The following SLCO1B1 variants were observed in gnomAD, a reference collection of about 807,000 sequenced individuals.
The protein encoded by SLCO1B1 is OATP-2.
In SLCO1B1, 81 loss-of-function variants were observed where a neutral mutation model predicts 70.1. The ratio of observed to expected loss-of-function variants is 1.16; its 90% CI spans 0.97 to 1.39. The LOEUF (loss-of-function observed/expected upper bound fraction) is 1.39. Ranked by LOEUF, SLCO1B1 falls within the 40% of genes most tolerant of loss-of-function variation. The pLI is 0.00. For missense variants in SLCO1B1, 895 were observed against 799.6 expected (o/e 1.12, Z -1.44); for synonymous variants, 283 against 271.5 (o/e 1.04, Z -0.42).
chr12:21,153,632 T>C (rs2121064114), intron 2 of SLCO1B1, among the ~76,000 whole-genome samples: 1 of 152,254 alleles, frequency 6.6e-6, no homozygotes, highest in African/African-American at 2.4e-5. Flanking sequence ...TCAGATCTTC[T>C]ATGTCCTTGC....
chr12:21,170,153 A>AAT (rs1264374752), intron 2 of SLCO1B1, among the ~76,000 whole-genome samples: 1 of 152,110 alleles, frequency 6.6e-6, no homozygotes, highest in Non-Finnish European at 1.5e-5. Flanking sequence ...TTAGTACTTG[A>AAT]ATATAGGCAA....
intron 8 of SLCO1B1, among the ~76,000 whole-genome samples, chr12:21,198,894 T>C (rs1210405727): frequency 6.6e-6 from 1 of 152,022 alleles, no homozygotes; most frequent in Non-Finnish European, 1.5e-5. Flanking sequence ...GAATTTCTCA[T>C]CCTCAAAAAT....
At chr12:21,221,647 C>A (rs1434145066) in intron 12 of SLCO1B1, among the ~76,000 whole-genome samples, 1 of 152,046 alleles carries the variant, frequency 6.6e-6, no homozygotes, top group Non-Finnish European at 1.5e-5. Context: ...AAACAACAAA[C>A]ATATGACAAA....
chr12:21,195,546 C>T (rs922739250), intron 7 of SLCO1B1, among the ~76,000 whole-genome samples: 1 of 152,070 alleles, frequency 6.6e-6, no homozygotes, highest in Non-Finnish European at 1.5e-5. Flanking sequence ...CTCTTTGTAG[C>T]CCATTGGAAG....
chr12:21,173,054 G>A (rs1591808242), intron 3 of SLCO1B1, among the ~76,000 whole-genome samples: 1 of 152,228 alleles, frequency 6.6e-6, no homozygotes, highest in Admixed American at 6.5e-5. Flanking sequence ...TAGTGAGGAT[G>A]TTCAGAAACC....
At chr12:21,153,458 A>T (rs34527818) in intron 2 of SLCO1B1, among the ~76,000 whole-genome samples, 88,356 of 151,820 alleles carry the variant, frequency 0.58, 27,350 homozygotes, top group South Asian at 0.78. Context: ...AGCTATGACA[A>T]CTAATTTTTG....
In SLCO1B1 at chr12:21,183,552, A is replaced by G. The variant is rs572164827; in HGVS notation, c.727+4532A>G. On this transcript the variant is annotated intron_variant, in intron 7 of 14. Transcript: ENST00000256958. Reference sequence around the variant, plus strand: ...TGAAACTGAGAGCAAGAATCTAGCTATAAATAAAAATATTGTGCAGAGTCT... The same window carrying G: ...TGAAACTGAGAGCAAGAATCTAGCTGTAAATAAAAATATTGTGCAGAGTCT... Among the ~76,000 whole-genome samples the G allele has an allele frequency of 7.2e-5, 11 of 152,322 alleles. No individual in the cohort carries two copies. The East Asian group carries it at 2.1e-3, about 29-fold the overall frequency.
intron 2 of SLCO1B1, among the ~76,000 whole-genome samples, chr12:21,151,841 A>G (rs1940474331): frequency 6.6e-6 from 1 of 151,862 alleles, no homozygotes; most frequent in South Asian, 2.1e-4. Flanking sequence ...GATTTTCTAT[A>G]GTTTTAAAAT....
At chr12:21,162,401 C>A (rs991366547) in intron 2 of SLCO1B1, among the ~76,000 whole-genome samples, 2 of 152,058 alleles carry the variant, frequency 1.3e-5, no homozygotes, top group Non-Finnish European at 2.9e-5. Context: ...AATTTTTCAA[C>A]TTCCTTATTT....
intron 7 of SLCO1B1, among the ~76,000 whole-genome samples, chr12:21,179,868 C>T (rs943559658): frequency 6.6e-6 from 1 of 152,106 alleles, no homozygotes; most frequent in South Asian, 2.1e-4. Flanking sequence ...TATACCCCCA[C>T]ACAACTTTCC....
At chr12:21,221,297 G>T (rs1482469456) in intron 12 of SLCO1B1, among the ~76,000 whole-genome samples, 1 of 152,004 alleles carries the variant, frequency 6.6e-6, no homozygotes, top group East Asian at 1.9e-4. Context: ...ACATAGTATG[G>T]GAAGTCCTAG....
intron 1 of SLCO1B1, among the ~76,000 whole-genome samples, chr12:21,140,552 A>G (rs971245780): frequency 2.0e-5 from 3 of 152,046 alleles, no homozygotes; most frequent in African/African-American, 7.2e-5. Context: ...CCAAAATGGC[A>G]TATGATATAT....
chr12:21,135,790 T>G (rs1466087364), intron 1 of SLCO1B1, among the ~76,000 whole-genome samples: 1 of 152,200 alleles, frequency 6.6e-6, no homozygotes, highest in East Asian at 1.9e-4. Flanking sequence ...CTTTATCCAA[T>G]TTGCCAGTCT....
intron 2 of SLCO1B1, among the ~76,000 whole-genome samples, chr12:21,148,924 G>A (rs921432716): frequency 6.6e-6 from 1 of 152,004 alleles, no homozygotes; most frequent in Non-Finnish European, 1.5e-5. Context: ...AGTTCTCGTT[G>A]AAGAGGTCCC....
At chr12:21,212,476 A>C (rs1941299810) in intron 11 of SLCO1B1, among the ~76,000 whole-genome samples, 1 of 143,792 alleles carries the variant, frequency 7.0e-6, no homozygotes, top group Non-Finnish European at 1.5e-5. Context: ...GGAGAGCTTT[A>C]CTTCCCAGTA....
At position 21,224,738 on chromosome 12, in the gene SLCO1B1, A is replaced by C; in HGVS notation, c.1764A>C (p.Pro588=). Reference sequence around the variant, plus strand: ...CTATTACAGGAGGAATTCTAGCTCCAATATATTTTGGGGCTCTGATTGATA... The same window carrying C: ...CTATTACAGGAGGAATTCTAGCTCCCATATATTTTGGGGCTCTGATTGATA... ...VIRALGGILA[P]IYFGALIDTT... is the part of the protein sequence containing the mutation. The change falls in exon 14 of 15, where the codon CCA becomes CCC. Residue 588 remains proline, a synonymous_variant. Transcript: ENST00000256958. 6.2e-7 allele frequency: 1 copy of C among 1,608,132 alleles called. No homozygotes were observed. Among genetic ancestry groups the C allele is most frequent in the Non-Finnish European group, 8.5e-7 (1 of 1,175,554 alleles).
At chr12:21,229,212 GT>G (rs1180732009) in intron 14 of SLCO1B1, among the ~76,000 whole-genome samples, 1 of 152,056 alleles carries the variant, frequency 6.6e-6, no homozygotes, top group Non-Finnish European at 1.5e-5. Context: ...TGATACAGTT[GT>G]TACAAATGAT....
rs773226433 is a variant in SLCO1B1, at chr12:21,217,174, C to T, written c.1553C>T (p.Ser518Leu). The T allele has an allele frequency of 7.4e-6, 12 of 1,613,604 alleles. No individual in the cohort carries two copies. In the East Asian group the frequency reaches 2.2e-4, roughly 30 times the overall value. ...EVTGLQNRNY[S>L]AHLGECPRDD... ...ACTGGTCTCCAGAACAGAAATTACT[C>T]AGCCCATTTGGGTGAATGCCCAAGA... Residue 518 changes from serine (S) to leucine (L), a missense_variant, in exon 12 of 15, where the codon TCA (serine) becomes TTA (leucine). Coordinates refer to ENST00000256958, the MANE Select transcript of SLCO1B1 (RefSeq NM_006446.5).
rs1207579755 is a variant in SLCO1B1, at chr12:21,176,911, T to G, written c.481+14T>G. The G allele has an allele frequency of 1.3e-6, 2 of 1,539,716 alleles. No homozygotes were observed. Among genetic ancestry groups the G allele is most frequent in the Non-Finnish European group, 1.8e-6 (2 of 1,112,622 alleles). On this transcript the variant is annotated intron_variant, in intron 5 of 14. Coordinates refer to ENST00000256958, the MANE Select transcript of SLCO1B1 (RefSeq NM_006446.5). ...TAGTGGGAAAAGGTAAGAATTAATA[T>G]TGACAGTAAAAAGTCTTCTAAAATG...
Sources: allele counts gnomAD v4.1 joint callset (sites outside exome capture counted in the v4.1 genomes callset), GRCh38; gene constraint gnomAD v4.1.1; transcripts MANE v1.5; gene names NCBI Gene and HGNC (gene_info 2026-07-23, HGNC 2026-07-21).